TMEM25: variants seen among roughly 807,000 people sequenced by gnomAD.
TMEM25 encodes the protein 0610039J01Rik.
TMEM25 carries 36 observed loss-of-function variants against 37.0 expected under a neutral mutation model. The observed-to-expected ratio is 0.97, with a 90% CI of 0.75 to 1.28. The LOEUF (loss-of-function observed/expected upper bound fraction) is 1.28, where lower values mean the gene tolerates loss of function less well. Among genes scored for constraint, TMEM25 ranks in the 50% most tolerant of loss-of-function variants. The pLI is 0.00. For missense variants in TMEM25, 444 were observed against 477.9 expected, an observed-to-expected ratio of 0.93 and a Z score of 0.66; for synonymous variants, 197 against 203.7, an observed-to-expected ratio of 0.97 and a Z score of 0.28.
intron 8 of TMEM25, chr11:118,544,761 T>A: frequency 1.6e-6 from 1 of 622,846 alleles, no homozygotes. Context: ...ACAAACATGT[T>A]CTGTGCCCTC....
chr11:118,538,251 A>C (rs1250182562), downstream of TMEM25, among the ~76,000 whole-genome samples: 4 of 152,050 alleles, frequency 2.6e-5, no homozygotes, highest in Admixed American at 6.5e-5. Context: ...AGCTCACTGC[A>C]ACCTCTACCT....
Position 118,534,021 on chromosome 11 carries a change from C to T in TMEM25, c.837-8C>T. 6.2e-7 allele frequency: 1 copy of T among 1,614,106 alleles called. No homozygotes were observed. Among genetic ancestry groups the T allele is most frequent in the Non-Finnish European group, 8.5e-7 (1 of 1,180,002 alleles). The stretch of plus-strand genomic sequence containing the variant: ...TCATATCCATCCCGAACTTTGTCCT[C>T]CCTGTAGTGACTCCAACAACCTAAA... On this transcript the variant is annotated splice_polypyrimidine_tract_variant and splice_region_variant and intron_variant, in intron 6 of 8. Transcript: ENST00000313236. This position sits in a 1 kb window ranked among gnomAD's most constrained non-coding sequence, Gnocchi z 4.6.
intron 8 of TMEM25, among the ~76,000 whole-genome samples, chr11:118,541,927 T>C (rs1203791883): frequency 6.6e-6 from 1 of 152,084 alleles, no homozygotes; most frequent in East Asian, 1.9e-4. Flanking sequence ...CTGGCTAATT[T>C]TGTATTTTTT....
At position 118,534,711 on chromosome 11, in the gene TMEM25, G is replaced by T; in HGVS notation, c.*131G>T. 1 of 1,486,950 alleles carries T rather than the reference G, an allele frequency of 6.7e-7. No homozygotes were observed. Among genetic ancestry groups the T allele is most frequent in the East Asian group, 2.5e-5 (1 of 40,718 alleles). 92.1% of individuals were successfully genotyped at this position (1,486,950 alleles called of 1,614,324 possible). A position where few individuals can be genotyped will look rare whatever the true frequency, so the allele number is the denominator to read the frequency against. On this transcript the variant is annotated 3_prime_UTR_variant, in exon 9 of 9. Coordinates refer to ENST00000313236, the MANE Select transcript of TMEM25 (RefSeq NM_032780.4). This position sits in a 1 kb window ranked among gnomAD's most constrained non-coding sequence, Gnocchi z 4.6. ...GCCACTTTTGCTTGCCCTCCTGGCT[G>T]GGGTGCCCTCCATGTCATGCACGTG...
At chr11:118,539,935 T>G (rs906705637), downstream of TMEM25, among the ~76,000 whole-genome samples, 2 of 148,148 alleles carry the variant, frequency 1.3e-5, no homozygotes, top group Admixed American at 1.4e-4. Context: ...GCATGAGAAT[T>G]GCTTGAACCC....
intron 8 of TMEM25, chr11:118,544,821 A>G: frequency 1.2e-6 from 1 of 860,690 alleles, no homozygotes; most frequent in South Asian, 1.5e-5. Context: ...AAGCTGTGGC[A>G]TGGGCAAGGA....
chr11:118,536,418 C>G (rs1951511339), downstream of TMEM25, among the ~76,000 whole-genome samples: 1 of 152,002 alleles, frequency 6.6e-6, no homozygotes. Context: ...GTCTTGAACT[C>G]CCGACCTCAG....
rs1951396449 is a variant in TMEM25 at position 118,533,528 on chromosome 11, G to A, written c.782G>A (p.Cys261Tyr). 2 of 1,614,054 alleles carry A rather than the reference G, an allele frequency of 1.2e-6. No individual in the cohort carries two copies. Among genetic ancestry groups the A allele is most frequent in the South Asian group, 1.1e-5 (1 of 91,086 alleles). ...AGCACCTTGGTGGCCTGCCTGGTCT[G>A]CAGAAAAGAGAAGAAAACCAAAGGT... Reference protein sequence around the residue: ...GFSTLVACLVCRKEKKTKGPS... With the variant: ...GFSTLVACLVYRKEKKTKGPS... Residue 261 changes from cysteine to tyrosine, a missense_variant, in exon 5 of 9, where the codon TGC (cysteine) becomes TAC (tyrosine). Transcript: ENST00000313236.
chr11:118,535,959 C>A (rs1254619739), downstream of TMEM25: 3 of 488,376 alleles, frequency 6.1e-6, no homozygotes, highest in African/African-American at 6.3e-5. Context: ...CTCACTGCAA[C>A]CTCCGCCTCC....
intron 1 of TMEM25, 29 bp from the exon 2 acceptor site, chr11:118,531,746 T>C: frequency 1.4e-6 from 2 of 1,469,676 alleles, no homozygotes; most frequent in South Asian, 1.2e-5. Flanking sequence ...TGCTGTCACC[T>C]GGCTGACAGG....
Position 118,531,889 on chromosome 11 carries a change from C to T in TMEM25, c.70+18C>T, listed in dbSNP as rs1432488438. The T allele has an allele frequency of 1.3e-6, 2 of 1,551,340 alleles. No individual in the cohort carries two copies. The highest frequency in any genetic ancestry group is 1.7e-6 in the Non-Finnish European group (2 of 1,146,894). On this transcript the variant is annotated intron_variant, in intron 2 of 8. Coordinates refer to ENST00000313236, the MANE Select transcript of TMEM25 (RefSeq NM_032780.4). ...GAGCTCAGGTACACCCCTGTTCAGT[C>T]GTTGACCAAGTCCTTCTGGGTTCCA... is the stretch of plus-strand genomic sequence containing the variant.
At chr11:118,532,620 TGTC>T in intron 3 of TMEM25, 159 bp downstream of exon 3, 1 of 894,298 alleles carries the variant, frequency 1.1e-6, no homozygotes, top group Non-Finnish European at 1.6e-6. Context: ...TCATTACTAT[TGTC>T]GTCACCATTT....
In TMEM25 at chr11:118,534,072, G is replaced by A; in HGVS notation, c.880G>A (p.Glu294Lys). ...ACTCAACAACGTGCGCCTGCCACGG[G>A]AGAACATGTCCCTCCCGTCCAACCT... is the stretch of plus-strand genomic sequence containing the variant. ...LKLNNVRLPRENMSLPSNLQL... is the reference protein window; with the variant it reads ...LKLNNVRLPRKNMSLPSNLQL... Residue 294 changes from glutamate to lysine, a missense_variant, in exon 7 of 9, where the codon GAG becomes AAG. Glu to Lys is a moderately conservative substitution (Grantham distance 56, BLOSUM62 1). Transcript: ENST00000313236. The surrounding 1 kb of genome is among the most constrained non-coding windows in gnomAD (Gnocchi z 4.6). 1 of 1,614,102 alleles carries A rather than the reference G, an allele frequency of 6.2e-7. No individual in the cohort carries two copies. Among genetic ancestry groups the A allele is most frequent in the Non-Finnish European group, 8.5e-7 (1 of 1,180,006 alleles).
chr11:118,536,903 C>T (rs1186047099), downstream of TMEM25, among the ~76,000 whole-genome samples: 3 of 152,138 alleles, frequency 2.0e-5, no homozygotes, highest in African/African-American at 7.2e-5. Flanking sequence ...GTGTGTGTGT[C>T]TTGCTCTATG....
At chr11:118,544,859 A>G (rs557806358) in intron 8 of TMEM25, 400 of 1,245,050 alleles carry the variant, frequency 3.2e-4, no homozygotes, top group Non-Finnish European at 4.5e-4. Flanking sequence ...CGATCTGTCC[A>G]TCTCAGCTGG....
downstream of TMEM25, among the ~76,000 whole-genome samples, chr11:118,536,526 TCA>T (rs1204094751): frequency 6.6e-5 from 10 of 152,142 alleles, no homozygotes; most frequent in African/African-American, 2.4e-4. Flanking sequence ...TTTTCCAGTC[TCA>T]CAGTGGAAAA....
chr11:118,542,899 C>T (rs1004620922), intron 8 of TMEM25, among the ~76,000 whole-genome samples: 33 of 151,510 alleles, frequency 2.2e-4, no homozygotes, highest in African/African-American at 6.8e-4. Flanking sequence ...GGTGACAGAG[C>T]GAGACTCTGT....
chr11:118,542,957 T>G (rs1342874762), intron 8 of TMEM25, among the ~76,000 whole-genome samples: 1 of 149,410 alleles, frequency 6.7e-6, no homozygotes. Flanking sequence ...ATTTGCTGGG[T>G]GAGGCTGGGC....
chr11:118,543,386 C>CGGCAATGACTACCACCCCT (rs1951607335), intron 8 of TMEM25, among the ~76,000 whole-genome samples: 1 of 152,074 alleles, frequency 6.6e-6, no homozygotes, highest in Admixed American at 6.6e-5. Context: ...CTACCAGCGC[C>CGGCAATGACTACCACCCCT]GGCAATGACT....
Sources: allele counts gnomAD v4.1 joint callset (sites outside exome capture counted in the v4.1 genomes callset), GRCh38; gene constraint gnomAD v4.1.1; non-coding constraint Gnocchi (gnomAD v3.1); transcripts MANE v1.5; gene names NCBI Gene and HGNC (gene_info 2026-07-23, HGNC 2026-07-21).